C2CD4B: variants seen among roughly 807,000 people sequenced by gnomAD.
The protein encoded by C2CD4B is C2 calcium-dependent domain-containing protein 4B.
For missense variants in C2CD4B, 644 were observed against 577.7 expected (o/e 1.11, Z -1.18); for synonymous variants, 347 against 284.9 (o/e 1.22, Z -2.20).
rs2049582926 is a variant in C2CD4B, at chr15:62,164,137, C to T, written c.848G>A (p.Arg283His). 6 of 1,457,016 alleles carry T rather than the reference C, an allele frequency of 4.1e-6. No homozygotes were observed. In the South Asian group the frequency reaches 6.9e-5, roughly 17 times the overall value. 90.3% of individuals were successfully genotyped at this position (1,457,016 alleles called of 1,614,324 possible). A position where few individuals can be genotyped will look rare whatever the true frequency, so the allele number is the denominator to read the frequency against. Reference sequence around the variant, plus strand: ...GAGGCTGAGGCGGCAGCGGACGGCGCGGGGCCCGGGGGCGCCTCCGAACAG... The same window carrying T: ...GAGGCTGAGGCGGCAGCGGACGGCGTGGGGCCCGGGGGCGCCTCCGAACAG... ...ESLFGGAPGP[R>H]AVRCRLSLVL... Residue 283 changes from arginine to histidine, a missense_variant, in exon 2 of 2, where the codon CGC (arginine) becomes CAC (histidine). Physicochemically the swap from Arg to His is conservative, Grantham distance 29. Transcript: ENST00000380392.
At position 62,164,673 on chromosome 15, in the gene C2CD4B, G is replaced by C. The variant is rs1448070457; in HGVS notation, c.312C>G (p.Leu104=). The C allele has an allele frequency of 4.8e-6, 7 of 1,449,622 alleles. No individual in the cohort carries two copies. The East Asian group carries it at 9.1e-5, about 19-fold the overall frequency. The allele number at this position is 1,449,622 out of a possible 1,614,324, so 89.8% of individuals were successfully genotyped here. A position where few individuals can be genotyped will look rare whatever the true frequency, so the allele number is the denominator to read the frequency against. ...VRTTYGFCAL[L]ESPHTRRKES... ...CCTTGCGGCGCGTGTGCGGGCTCTCGAGCAGCGCGCAGAAGCCGTAGGTGG... is the reference window on the plus strand; with the variant it reads ...CCTTGCGGCGCGTGTGCGGGCTCTCCAGCAGCGCGCAGAAGCCGTAGGTGG... Residue 104 remains leucine, a synonymous_variant, in exon 2 of 2, where the codon CTC becomes CTG. Coordinates refer to ENST00000380392, the MANE Select transcript of C2CD4B (RefSeq NM_001007595.3).
In C2CD4B at chr15:62,164,002, T is replaced by A; in HGVS notation, c.983A>T (p.Glu328Val). The A allele has an allele frequency of 1.2e-6, 2 of 1,600,054 alleles. No homozygotes were observed. Among genetic ancestry groups the A allele is most frequent in the Non-Finnish European group, 1.7e-6 (2 of 1,175,832 alleles). Reference sequence around the variant, plus strand: ...GACGCGAACGGCCAGGCGGCGCACCTCGTCTTCCGAGAGGCCGTCGAAGCA... The same window carrying A: ...GACGCGAACGGCCAGGCGGCGCACCACGTCTTCCGAGAGGCCGTCGAAGCA... ...DFCFDGLSEDEVRRLAVRVKA... is the reference protein window; with the variant it reads ...DFCFDGLSEDVVRRLAVRVKA... Residue 328 changes from glutamate (E) to valine (V), a missense_variant, in exon 2 of 2, where the codon GAG becomes GTG. By Grantham distance (121) the Glu-to-Val change is moderately radical (BLOSUM62 -2). Coordinates refer to ENST00000380392, the MANE Select transcript of C2CD4B (RefSeq NM_001007595.3).
chr15:62,164,398 A>G lies in C2CD4B; in HGVS notation c.587T>C (p.Leu196Pro), dbSNP rs903065850. ...GCTGGAGACGGAGCGGACGCGGGCC[A>G]GGCGGCGACTCCTTCCAGCCCGCAG... ...RALRAGRSRR[L>P]ARVRSVSSGN... Residue 196 changes from leucine (L) to proline (P), a missense_variant, in exon 2 of 2, where the codon CTG (leucine) becomes CCG (proline). Transcript: ENST00000380392. 3.6e-5 allele frequency: 51 copies of G among 1,418,216 alleles called. No individual in the cohort carries two copies. Among genetic ancestry groups the G allele is most frequent in the Non-Finnish European group, 4.5e-5 (49 of 1,092,102 alleles). The allele number at this position is 1,418,216 out of a possible 1,614,324, so 87.9% of individuals were successfully genotyped here. A position where few individuals can be genotyped will look rare whatever the true frequency, so the allele number is the denominator to read the frequency against.
Position 62,163,908 on chromosome 15 carries a change from G to A in C2CD4B, c.1077C>T (p.Gly359=), listed in dbSNP as rs752812780. Residue 359 remains glycine, a synonymous_variant, in exon 2 of 2, where the codon GGC becomes GGT. Coordinates refer to ENST00000380392, the MANE Select transcript of C2CD4B (RefSeq NM_001007595.3). ...TGGGCCCTCAGAGCAGCAGGAGGGCGCCCAGGGACAGCTCACCCTGGCCCA... is the reference window on the plus strand; with the variant it reads ...TGGGCCCTCAGAGCAGCAGGAGGGCACCCAGGGACAGCTCACCCTGGCCCA... The part of the protein sequence containing the change: ...RLLGQGELSL[G]ALLLL The A allele has an allele frequency of 1.6e-5, 24 of 1,524,436 alleles. No individual in the cohort carries two copies. The South Asian group carries it at 2.1e-4, about 13-fold the overall frequency. 94.4% of individuals were successfully genotyped at this position (1,524,436 alleles called of 1,614,324 possible).
At position 62,165,263 on chromosome 15, in the gene C2CD4B, C is replaced by G; in HGVS notation, c.-109G>C. ...GTGCCAGTGGCCTCTAGCCCGCTGCCGAGGCGCCACCTTCAGTACTGCGGC... is the reference window on the plus strand; with the variant it reads ...GTGCCAGTGGCCTCTAGCCCGCTGCGGAGGCGCCACCTTCAGTACTGCGGC... On this transcript the variant is annotated 5_prime_UTR_variant, in exon 1 of 2. Transcript: ENST00000380392. The G allele has an allele frequency of 5.0e-6, 2 of 403,014 alleles. No individual in the cohort carries two copies. Among genetic ancestry groups the G allele is most frequent in the Non-Finnish European group, 8.8e-6 (2 of 228,220 alleles). The allele number at this position is 403,014 out of a possible 1,614,324, so 25.0% of individuals were successfully genotyped here. A position where few individuals can be genotyped will look rare whatever the true frequency, so the allele number is the denominator to read the frequency against.
intron 1 of C2CD4B, 76 bp downstream of exon 1, chr15:62,165,119 C>A: frequency 1.8e-6 from 2 of 1,123,982 alleles, no homozygotes; most frequent in Non-Finnish European, 2.4e-6. Flanking sequence ...TAAACGTCCC[C>A]CACGTGTTTA....
Position 62,164,198 on chromosome 15 carries a change from G to C in C2CD4B, c.787C>G (p.Arg263Gly), listed in dbSNP as rs1453405976. Residue 263 changes from arginine to glycine, a missense_variant, in exon 2 of 2, where the codon CGG becomes GGG. Coordinates refer to ENST00000380392, the MANE Select transcript of C2CD4B (RefSeq NM_001007595.3). ...CGGAGCAGCCGGAGGCGGAGACGCC[G>C]GGTTCCCGGACAGTACTCAGCAGCC... is the stretch of plus-strand genomic sequence containing the variant. ...RLAAEYCPGT[R>G]RLRLRLLRAE... The C allele has an allele frequency of 3.4e-6, 5 of 1,478,726 alleles. No individual in the cohort carries two copies. In the South Asian group the frequency reaches 3.9e-5, roughly 11 times the overall value. The allele number at this position is 1,478,726 out of a possible 1,614,324, so 91.6% of individuals were successfully genotyped here. A position where few individuals can be genotyped will look rare whatever the true frequency, so the allele number is the denominator to read the frequency against.
chr15:62,163,710 A>T lies in C2CD4B; in HGVS notation c.*180T>A, dbSNP rs766454614. 2.1e-6 allele frequency: 2 copies of T among 940,780 alleles called. No homozygotes were observed. Among genetic ancestry groups the T allele is most frequent in the Non-Finnish European group, 2.9e-6 (2 of 692,996 alleles). The allele number at this position is 940,780 out of a possible 1,614,324, so 58.3% of individuals were successfully genotyped here. Reference sequence around the variant, plus strand: ...GAGATATGGGGGTCCTGTGAACAGAACAGGGAGTCATTATCTTTTTCTTCT... The same window carrying T: ...GAGATATGGGGGTCCTGTGAACAGATCAGGGAGTCATTATCTTTTTCTTCT... On this transcript the variant is annotated 3_prime_UTR_variant, in exon 2 of 2. Transcript: ENST00000380392.
In C2CD4B at chr15:62,163,558, T is replaced by TAA; in HGVS notation, c.*330_*331dup. ...ACTCTGAATGAATAACTTGCTTTAT[T>TAA]AAAAAAAAACTGTAACATTGATAGA... On this transcript the variant is annotated 3_prime_UTR_variant, in exon 2 of 2. Coordinates refer to ENST00000380392, the MANE Select transcript of C2CD4B (RefSeq NM_001007595.3). The TAA allele has an allele frequency of 1.8e-5, 5 of 277,472 alleles. No homozygotes were observed. The highest frequency in any genetic ancestry group is 5.2e-5 in the Admixed American group (1 of 19,078). The allele number at this position is 277,472 out of a possible 1,614,324, so 17.2% of individuals were successfully genotyped here. A position where few individuals can be genotyped will look rare whatever the true frequency, so the allele number is the denominator to read the frequency against.
In C2CD4B at chr15:62,164,892, G is replaced by A. The variant is rs763013277; in HGVS notation, c.93C>T (p.Pro31=). Residue 31 remains proline, a synonymous_variant, in exon 2 of 2, where the codon CCC becomes CCT. Transcript: ENST00000380392. ...GCAGCCGCGGCGGGATGCAGAATTC[G>A]GGGATGCGATTCGGCGTGAGCACTT... is the stretch of plus-strand genomic sequence containing the variant. ...FAKVLTPNRI[P]EFCIPPRLPA... is the part of the protein sequence containing the mutation. The A allele has an allele frequency of 6.5e-7, 1 of 1,528,666 alleles. No individual in the cohort carries two copies. The highest frequency in any genetic ancestry group is 8.8e-7 in the Non-Finnish European group (1 of 1,142,228). 94.7% of individuals were successfully genotyped at this position (1,528,666 alleles called of 1,614,324 possible).
rs1284696055 is a variant in C2CD4B, at chr15:62,164,475, C to A, written c.510G>T (p.Gly170=). The part of the protein sequence containing the change: ...PRLPQDALAA[G]PRRCRLLRVP... ...CGCGCAGGAGGCGGCAGCGGCGGGG[C>A]CCCGCAGCGAGCGCGTCCTGGGGCA... The change falls in exon 2 of 2, where the codon GGG becomes GGT. Residue 170 remains glycine, a synonymous_variant. Transcript: ENST00000380392. 5.5e-6 allele frequency: 7 copies of A among 1,265,682 alleles called. No individual in the cohort carries two copies. In the Admixed American group the frequency reaches 1.7e-4, roughly 31 times the overall value. The allele number at this position is 1,265,682 out of a possible 1,614,324, so 78.4% of individuals were successfully genotyped here. A position where few individuals can be genotyped will look rare whatever the true frequency, so the allele number is the denominator to read the frequency against.
intron 1 of C2CD4B, 76 bp from the exon 2 acceptor site, chr15:62,165,100 C>G (rs909048054): frequency 7.7e-7 from 1 of 1,296,108 alleles, no homozygotes; most frequent in African/African-American, 1.6e-5. Context: ...ATCCCTCCCC[C>G]AGACCCTGTA....
chr15:62,164,107 A>C lies in C2CD4B; in HGVS notation c.878T>G (p.Leu293Arg), dbSNP rs1251559769. The C allele has an allele frequency of 6.6e-7, 1 of 1,507,654 alleles. No individual in the cohort carries two copies. The highest frequency in any genetic ancestry group is 8.8e-7 in the Non-Finnish European group (1 of 1,134,800). 93.4% of individuals were successfully genotyped at this position (1,507,654 alleles called of 1,614,324 possible). A position where few individuals can be genotyped will look rare whatever the true frequency, so the allele number is the denominator to read the frequency against. ...RAVRCRLSLV[L>R]RPPGTARWQC... ...CCAACGCGCAGTGCCCGGCGGCCGCAGGACGAGGCTGAGGCGGCAGCGGAC... is the reference window on the plus strand; with the variant it reads ...CCAACGCGCAGTGCCCGGCGGCCGCCGGACGAGGCTGAGGCGGCAGCGGAC... The change falls in exon 2 of 2, where the codon CTG becomes CGG. Residue 293 changes from leucine to arginine, a missense_variant. Coordinates refer to ENST00000380392, the MANE Select transcript of C2CD4B (RefSeq NM_001007595.3).
chr15:62,164,804 C>A lies in C2CD4B; in HGVS notation c.181G>T (p.Glu61Ter), dbSNP rs2049597554. Residue 61 changes from glutamate (E) to a stop codon, truncating the protein, a stop_gained, in exon 2 of 2, where the codon GAA (glutamate) becomes TAA (stop). Coordinates refer to ENST00000380392, the MANE Select transcript of C2CD4B (RefSeq NM_001007595.3). LOFTEE classifies it low-confidence loss of function (END_TRUNC). ...GCCGCGCGGGGCCACAGGTCGCTTT[C>A]AGCGGCGCAGCGCCGGGGCACGGCG... The part of the protein sequence containing the change: ...AAAVPRRCAA[E>*]SDLWPRAADE... 6.8e-7 allele frequency: 1 copy of A among 1,469,270 alleles called. No individual in the cohort carries two copies. The highest frequency in any genetic ancestry group is 8.9e-7 in the Non-Finnish European group (1 of 1,121,114). The allele number at this position is 1,469,270 out of a possible 1,614,324, so 91.0% of individuals were successfully genotyped here. A position where few individuals can be genotyped will look rare whatever the true frequency, so the allele number is the denominator to read the frequency against.
rs904293950 is a variant in C2CD4B at position 62,165,180 on chromosome 15, A to C, written c.-41+15T>G. ...CTCTCCCCTGCACCCACAACAAATCAGCCCCGCTTCAGACCTTTCTCTCTT... is the reference window on the plus strand; with the variant it reads ...CTCTCCCCTGCACCCACAACAAATCCGCCCCGCTTCAGACCTTTCTCTCTT... On this transcript the variant is annotated intron_variant, in intron 1 of 1. Transcript: ENST00000380392. 2.6e-5 allele frequency: 15 copies of C among 570,098 alleles called. No individual in the cohort carries two copies. Among genetic ancestry groups the C allele is most frequent in the Admixed American group, 4.0e-5 (1 of 25,070 alleles). 35.3% of individuals were successfully genotyped at this position (570,098 alleles called of 1,614,324 possible).
Position 62,164,941 on chromosome 15 carries a change from G to A in C2CD4B, c.44C>T (p.Ser15Phe), listed in dbSNP as rs1234982742. The change falls in exon 2 of 2, where the codon TCC becomes TTC. Residue 15 changes from serine to phenylalanine, a missense_variant. Coordinates refer to ENST00000380392, the MANE Select transcript of C2CD4B (RefSeq NM_001007595.3). Reference sequence around the variant, plus strand: ...TTTGGCGAAGGCGGGCTTCGGCGCGGAGCTGCCTGCGGCCGAGGAACAGAG... The same window carrying A: ...TTTGGCGAAGGCGGGCTTCGGCGCGAAGCTGCCTGCGGCCGAGGAACAGAG... The part of the protein sequence containing the change: ...EKLCSSAAGS[S>F]APKPAFAKVL... 1 of 1,533,954 alleles carries A rather than the reference G, an allele frequency of 6.5e-7. No individual in the cohort carries two copies. The highest frequency in any genetic ancestry group is 1.2e-5 in the South Asian group (1 of 83,632).
At position 62,164,039 on chromosome 15, in the gene C2CD4B, C is replaced by G. The variant is rs565767466; in HGVS notation, c.946G>C (p.Asp316His). Residue 316 changes from aspartate (D) to histidine (H), a missense_variant, in exon 2 of 2, where the codon GAC becomes CAC. Physicochemically the swap from Asp to His is moderately conservative, Grantham distance 81 (BLOSUM62 -1). Coordinates refer to ENST00000380392, the MANE Select transcript of C2CD4B (RefSeq NM_001007595.3). ...VVGRSRKASF[D>H]QDFCFDGLSE... ...AGGCCGTCGAAGCAAAAGTCCTGGT[C>G]AAAGGAGGCCTTGCGGCTGCGCCCC... 2 of 1,597,738 alleles carry G rather than the reference C, an allele frequency of 1.3e-6. No individual in the cohort carries two copies. The highest frequency in any genetic ancestry group is 4.5e-5 in the East Asian group (2 of 44,192).
At chr15:62,165,093 C>G in intron 1 of C2CD4B, 69 bp from the exon 2 acceptor site, 1 of 1,341,550 alleles carries the variant, frequency 7.5e-7, no homozygotes, top group South Asian at 1.5e-5. Flanking sequence ...CGGCTGGATC[C>G]CTCCCCCAGA....
At chr15:62,165,114 G>A in intron 1 of C2CD4B, 81 bp downstream of exon 1, 1 of 1,141,620 alleles carries the variant, frequency 8.8e-7, no homozygotes, top group Non-Finnish European at 1.2e-6. Context: ...CCCTGTAAAC[G>A]TCCCCCACGT....
Sources: allele counts gnomAD v4.1 joint callset, GRCh38; gene constraint gnomAD v4.1.1; transcripts MANE v1.5; gene names NCBI Gene and HGNC (gene_info 2026-07-23, HGNC 2026-07-21).